The following TMEM178B variants were observed in gnomAD, a reference collection of about 807,000 sequenced individuals.
TMEM178B encodes transmembrane protein 178B.
TMEM178B carries 5 observed loss-of-function variants against 31.0 expected under a neutral mutation model. That is an observed-to-expected ratio of 0.16 (90% CI 0.08 to 0.34). The LOEUF is 0.34. Ranked by LOEUF, TMEM178B falls within the 10% of genes least tolerant of loss-of-function variation. The probability of loss-of-function intolerance (pLI) is 1.00; values close to 1 mark genes in which losing one functional copy is unlikely to be tolerated. For synonymous variants in TMEM178B, 164 were observed against 164.0 expected, an observed-to-expected ratio of 1.00 and a Z score of 0.00; for missense variants, 275 against 400.3, an observed-to-expected ratio of 0.69 and a Z score of 2.67.
chr7:141,352,006 C>T (rs1799737938), intron 2 of TMEM178B: 1 of 152,656 alleles, frequency 6.6e-6, no homozygotes, highest in Non-Finnish European at 1.5e-5. Context: ...AGGATGTGTA[C>T]CCCAAGTCCC....
rs763336681 is a variant in TMEM178B at position 141,437,701 on chromosome 7, G to T, written c.590G>T (p.Arg197Leu). The T allele has an allele frequency of 6.5e-7, 1 of 1,536,184 alleles. No individual in the cohort carries two copies. The highest frequency in any genetic ancestry group is 8.7e-7 in the Non-Finnish European group (1 of 1,146,918). ...GGCGTGCTGGGCTGCTGCTGGGACCGAGGCCTTATGCAGTACGTGGCAGGG... is the reference window on the plus strand; with the variant it reads ...GGCGTGCTGGGCTGCTGCTGGGACCTAGGCCTTATGCAGTACGTGGCAGGG... The part of the protein sequence containing the change: ...IIGVLGCCWD[R>L]GLMQYVAGLL... Residue 197 changes from arginine (R) to leucine (L), a missense_variant, in exon 3 of 4, where the codon CGA becomes CTA. Coordinates refer to ENST00000565468, the MANE Select transcript of TMEM178B (RefSeq NM_001195278.2).
intron 2 of TMEM178B, among the ~76,000 whole-genome samples, chr7:141,383,817 A>G (rs138253696): frequency 0.018 from 2,691 of 152,286 alleles, 30 homozygotes; most frequent in Non-Finnish European, 0.026. Flanking sequence ...TGGTTGAACT[A>G]GTTTACAGAC....
At chr7:141,401,579 CTATTTTTT>C (rs952456610) in intron 2 of TMEM178B, among the ~76,000 whole-genome samples, 21 of 150,874 alleles carry the variant, frequency 1.4e-4, no homozygotes, top group African/African-American at 4.2e-4. Flanking sequence ...CCACACCCAG[CTATTTTTT>C]TATTTTTTTA....
chr7:141,302,758 G>A lies in TMEM178B; in HGVS notation c.496+90054G>A, dbSNP rs531528530. 2.0e-5 allele frequency among the ~76,000 whole-genome samples: 3 copies of A among 152,296 alleles called. No homozygotes were observed. The East Asian group carries it at 5.8e-4, about 29-fold the overall frequency. Reference sequence around the variant, plus strand: ...TCCCACTCCAGTGCTCTTTCCATGAGTGTTAACTACCTCCCTGGGAACACT... The same window carrying A: ...TCCCACTCCAGTGCTCTTTCCATGAATGTTAACTACCTCCCTGGGAACACT... On this transcript the variant is annotated intron_variant, in intron 2 of 3. Coordinates refer to ENST00000565468, the MANE Select transcript of TMEM178B (RefSeq NM_001195278.2).
intron 2 of TMEM178B, among the ~76,000 whole-genome samples, chr7:141,338,097 A>G (rs956314415): frequency 6.6e-6 from 1 of 152,176 alleles, no homozygotes; most frequent in Non-Finnish European, 1.5e-5. Context: ...TCGGCCTCCC[A>G]AAGTGCTGGG....
chr7:141,425,458 A>C (rs1586951679), intron 2 of TMEM178B, among the ~76,000 whole-genome samples: 1 of 152,324 alleles, frequency 6.6e-6, no homozygotes, highest in East Asian at 1.9e-4. Flanking sequence ...GTTTGTCTTC[A>C]TCAGTAAAGA....
intron 3 of TMEM178B, among the ~76,000 whole-genome samples, chr7:141,449,243 G>A (rs528476120): frequency 5.1e-4 from 77 of 152,252 alleles, no homozygotes; most frequent in African/African-American, 1.8e-3. Flanking sequence ...GGTTTCTGAA[G>A]TAAATGGAGA....
chr7:141,142,475 T>C (rs1471558876), intron 1 of TMEM178B, among the ~76,000 whole-genome samples: 1 of 151,876 alleles, frequency 6.6e-6, no homozygotes, highest in African/African-American at 2.4e-5. Flanking sequence ...TGGTGCATTC[T>C]CTGCTCGCTG....
chr7:141,310,296 T>C (rs1202010228), intron 2 of TMEM178B, among the ~76,000 whole-genome samples: 1 of 152,002 alleles, frequency 6.6e-6, no homozygotes, highest in Non-Finnish European at 1.5e-5. Flanking sequence ...CTCAAAAGAA[T>C]ACATTTATGA....
At chr7:141,343,372 TG>T (rs1799551417) in intron 2 of TMEM178B, among the ~76,000 whole-genome samples, 1 of 152,114 alleles carries the variant, frequency 6.6e-6, no homozygotes. Context: ...GAGAGGCCTG[TG>T]GGGTGGCACT....
At chr7:141,330,323 T>C (rs557808893) in intron 2 of TMEM178B, among the ~76,000 whole-genome samples, 20 of 152,286 alleles carry the variant, frequency 1.3e-4, no homozygotes, top group African/African-American at 4.8e-4. Flanking sequence ...CTCCTCCCTG[T>C]GTCCATGTGT....
At chr7:141,321,038 C>T (rs1182395233) in intron 2 of TMEM178B, among the ~76,000 whole-genome samples, 3 of 152,290 alleles carry the variant, frequency 2.0e-5, no homozygotes, top group East Asian at 1.9e-4. Flanking sequence ...ACCCCATTCA[C>T]GGCCACTGGT....
At chr7:141,216,448 TGCGCGCGCGCGC>T (rs143135337) in intron 2 of TMEM178B, among the ~76,000 whole-genome samples, 1,935 of 135,636 alleles carry the variant, frequency 0.014, 126 homozygotes, top group East Asian at 0.051. Flanking sequence ...TGTGTGTGTG[TGCGCGCGCGCGC>T]GCGTGTGTGT....
intron 3 of TMEM178B, among the ~76,000 whole-genome samples, chr7:141,451,038 GAGGGTCCTCCTCCACTCCCACCAGCA>G: frequency 6.6e-6 from 1 of 152,304 alleles, no homozygotes; most frequent in East Asian, 1.9e-4. Context: ...TTGTAAGCCA[GAGGGTCCTCCTCCACTCCCACCAGCA>G]AGGGGCAGGC....
chr7:141,219,554 C>A (rs1409662623), intron 2 of TMEM178B, among the ~76,000 whole-genome samples: 1 of 152,190 alleles, frequency 6.6e-6, no homozygotes, highest in Non-Finnish European at 1.5e-5. Flanking sequence ...ACTCAGCCAA[C>A]AGCGTGTCAT....
rs200614107 is a variant in TMEM178B, at chr7:141,329,300, TCTGGGCAGCGTC to T, written c.497-108300_497-108289del. On this transcript the variant is annotated intron_variant, in intron 2 of 3. Transcript: ENST00000565468. ...GGGTGTGGATTTGTAAAAGTGTCTG[TCTGGGCAGCGTC>T]CTGGGCACCCTCCTCATACAAGACA... Among the ~76,000 whole-genome samples the T allele has an allele frequency of 6.8e-4, 104 of 152,228 alleles. 4 individuals are homozygous for T. In the East Asian group the frequency reaches 0.014, roughly 20 times the overall value.
intron 3 of TMEM178B, among the ~76,000 whole-genome samples, chr7:141,447,032 C>A (rs1342584644): frequency 6.6e-6 from 1 of 152,104 alleles, no homozygotes; most frequent in East Asian, 1.9e-4. Flanking sequence ...CGTACTCATT[C>A]ATTTATTTGT....
chr7:141,326,434 A>G (rs1458506832), intron 2 of TMEM178B, among the ~76,000 whole-genome samples: 2 of 152,210 alleles, frequency 1.3e-5, no homozygotes, highest in African/African-American at 2.4e-5. Flanking sequence ...CTGATAAATA[A>G]AGATACTGGT....
chr7:141,190,848 A>G (rs1796685972), intron 1 of TMEM178B, among the ~76,000 whole-genome samples: 1 of 152,180 alleles, frequency 6.6e-6, no homozygotes, highest in Non-Finnish European at 1.5e-5. Flanking sequence ...GCATCCAGAG[A>G]TGTTTTATGC....
Sources: allele counts gnomAD v4.1 joint callset (sites outside exome capture counted in the v4.1 genomes callset), GRCh38; gene constraint gnomAD v4.1.1; transcripts MANE v1.5; gene names NCBI Gene and HGNC (gene_info 2026-07-23, HGNC 2026-07-21).